DOCK11: variants seen among roughly 807,000 people sequenced by gnomAD.
The protein encoded by DOCK11 is dedicator of cytokinesis protein 11.
DOCK11 carries 70 observed loss-of-function variants against 169.1 expected under a neutral mutation model. The observed-to-expected ratio is 0.41, with a 90% CI of 0.34 to 0.51. The LOEUF (loss-of-function observed/expected upper bound fraction) is 0.51. Among genes scored for constraint, DOCK11 ranks in the 20% least tolerant of loss-of-function variants. The pLI is 0.10. For synonymous variants in DOCK11, 529 were observed against 541.3 expected, an observed-to-expected ratio of 0.98 and a Z score of 0.32; for missense variants, 1,166 against 1,538.8, an observed-to-expected ratio of 0.76 and a Z score of 4.05.
intron 45 of DOCK11, among the ~76,000 whole-genome samples, chrX:118,667,131 G>A (rs1243993954): frequency 9.0e-6 from 1 of 111,595 alleles, no homozygotes; most frequent in African/African-American, 3.3e-5. Context: ...AGATATATGT[G>A]CTGTATATTT....
chrX:118,645,298 C>T (rs1161724852), intron 40 of DOCK11, among the ~76,000 whole-genome samples: 1 of 111,640 alleles, frequency 9.0e-6, no homozygotes, highest in African/African-American at 3.3e-5. Context: ...TGTACTAGGT[C>T]CTGTAGATAC....
intron 44 of DOCK11, among the ~76,000 whole-genome samples, chrX:118,658,221 A>G (rs990791995): frequency 4.5e-5 from 5 of 112,327 alleles, no homozygotes; most frequent in Non-Finnish European, 9.4e-5. Flanking sequence ...GGAGCATTAG[A>G]GTATATTTTA....
At position 118,565,940 on chromosome X, in the gene DOCK11, C is replaced by G. The variant is rs1024619383; in HGVS notation, c.694-65C>G. ...AAGCTGAGATAAAAATAAATATAAA[C>G]TAATGAAATCTAATAGTAAAAGGAC... is the stretch of plus-strand genomic sequence containing the variant. On this transcript the variant is annotated intron_variant, in intron 7 of 52. Coordinates refer to ENST00000276202, the MANE Select transcript of DOCK11 (RefSeq NM_144658.4). 76 of 1,035,828 alleles carry G rather than the reference C, an allele frequency of 7.3e-5. No homozygotes were observed. In the Middle Eastern group the frequency reaches 1.0e-3, roughly 14 times the overall value. The allele number at this position is 1,035,828 out of a possible 1,213,427, so 85.4% of individuals were successfully genotyped here.
intron 6 of DOCK11, among the ~76,000 whole-genome samples, chrX:118,551,606 G>A (rs763490602): frequency 1.8e-5 from 2 of 110,621 alleles, no homozygotes; most frequent in African/African-American, 6.6e-5. Flanking sequence ...GCTGAGGTGG[G>A]AGGATCGCTT....
At chrX:118,540,352 G>A (rs748726758) in intron 1 of DOCK11, among the ~76,000 whole-genome samples, 4 of 111,381 alleles carry the variant, frequency 3.6e-5, no homozygotes, top group Non-Finnish European at 7.5e-5. Flanking sequence ...GACTGTGAGC[G>A]TTAGAGCTGG....
At chrX:118,578,458 G>C (rs749427104) in intron 12 of DOCK11, 67 bp from the exon 13 acceptor site, 4 of 1,132,377 alleles carry the variant, frequency 3.5e-6, no homozygotes, top group Non-Finnish European at 4.8e-6. Flanking sequence ...ACTAAAAATC[G>C]TTAACCATAA....
intron 35 of DOCK11, among the ~76,000 whole-genome samples, chrX:118,631,880 C>T (rs949344891): frequency 1.8e-5 from 2 of 111,218 alleles, no homozygotes; most frequent in Non-Finnish European, 3.8e-5. Context: ...CACACATACA[C>T]ACACATATAC....
In DOCK11 at chrX:118,574,823, A is replaced by T. The variant is rs1475577676; in HGVS notation, c.1389+805A>T. Among the ~76,000 whole-genome samples, 3 of 111,424 alleles carry T rather than the reference A, an allele frequency of 2.7e-5. No homozygotes were observed. The Admixed American group carries it at 2.9e-4, about 11-fold the overall frequency. On this transcript the variant is annotated intron_variant, in intron 12 of 52. Coordinates refer to ENST00000276202, the MANE Select transcript of DOCK11 (RefSeq NM_144658.4). ...GCTTGTGTCATAGCTGTAATGCTAC[A>T]CTCTTCTATTCTATCTGGAGCAAAG...
intron 39 of DOCK11, among the ~76,000 whole-genome samples, chrX:118,642,566 A>G (rs932790760): frequency 3.6e-5 from 4 of 111,766 alleles, no homozygotes; most frequent in African/African-American, 9.8e-5. Flanking sequence ...ATAATGGGGA[A>G]ACTGGGGCCC....
chrX:118,586,775 G>A lies in DOCK11; in HGVS notation c.1796-1362G>A, dbSNP rs139589053. ...AAGACCTTGAGGTGAGACCAAGCTGGGTTTGCATGAACAGAAGGGAATCCA... is the reference window on the plus strand; with the variant it reads ...AAGACCTTGAGGTGAGACCAAGCTGAGTTTGCATGAACAGAAGGGAATCCA... On this transcript the variant is annotated intron_variant, in intron 16 of 52. Transcript: ENST00000276202. Among the ~76,000 whole-genome samples the A allele has an allele frequency of 3.8e-3, 430 of 111,818 alleles. 4 individuals carry two copies. The highest frequency in any genetic ancestry group is 6.9e-3 in the Non-Finnish European group (369 of 53,108).
At chrX:118,623,497 G>T (rs2015024568) in intron 31 of DOCK11, among the ~76,000 whole-genome samples, 1 of 112,753 alleles carries the variant, frequency 8.9e-6, no homozygotes, top group African/African-American at 3.2e-5. Context: ...CTAGGTTAGT[G>T]GTTCTGAAAC....
At chrX:118,628,751 G>A (rs963806106) in intron 34 of DOCK11, among the ~76,000 whole-genome samples, 2 of 112,421 alleles carry the variant, frequency 1.8e-5, no homozygotes, top group Non-Finnish European at 3.8e-5. Context: ...GTCGTTTCAC[G>A]CCTACCATTA....
intron 40 of DOCK11, among the ~76,000 whole-genome samples, chrX:118,648,528 A>T (rs867547750): frequency 1.1e-5 from 1 of 92,522 alleles, no homozygotes; most frequent in Admixed American, 1.4e-4. Flanking sequence ...TAATATATAT[A>T]TATTTATATA....
intron 30 of DOCK11, among the ~76,000 whole-genome samples, chrX:118,617,491 C>CAAA (rs35955845): frequency 4.2e-5 from 4 of 94,986 alleles, no homozygotes; most frequent in Non-Finnish European, 6.3e-5. Context: ...GACTCTGTCT[C>CAAA]AAAAAAAAAA....
intron 28 of DOCK11, among the ~76,000 whole-genome samples, chrX:118,611,146 C>A (rs781009134): frequency 1.8e-5 from 2 of 112,065 alleles, no homozygotes; most frequent in Non-Finnish European, 3.8e-5. Flanking sequence ...CAAATCTGTT[C>A]TTGATAGTGA....
intron 16 of DOCK11, 80 bp downstream of exon 16, chrX:118,585,197 T>G: frequency 1.1e-6 from 1 of 908,489 alleles, no homozygotes. Context: ...TTCTTGAGGT[T>G]TACGTGGCAT....
rs1230344386 is a variant in DOCK11, at chrX:118,495,864, A to T, written c.-108A>T. The T allele has an allele frequency of 2.2e-5, 7 of 317,813 alleles. No homozygotes were observed. Among genetic ancestry groups the T allele is most frequent in the Admixed American group, 1.6e-4 (2 of 12,313 alleles). The allele number at this position is 317,813 out of a possible 1,213,427, so 26.2% of individuals were successfully genotyped here. On this transcript the variant is annotated 5_prime_UTR_variant, in exon 1 of 53. Transcript: ENST00000276202. ...CTGCGATGTGGCCGGCCGGCCGGCG[A>T]GTAAACAGAGGGAGCAGCAGCGGCC...
intron 1 of DOCK11, chrX:118,538,562 C>A: frequency 3.3e-6 from 1 of 303,741 alleles, no homozygotes; most frequent in Non-Finnish European, 4.4e-6. Context: ...TTTAGGTTGA[C>A]GGTTTTCCTG....
chrX:118,673,831 T>A (rs973197529), intron 46 of DOCK11, among the ~76,000 whole-genome samples: 3 of 111,478 alleles, frequency 2.7e-5, no homozygotes, highest in African/African-American at 9.8e-5. Context: ...CATTTTCCAA[T>A]AACCACTAAC....
Sources: gnomAD v4.1 joint callset for allele counts (sites outside exome capture counted in the v4.1 genomes callset) on GRCh38, gnomAD v4.1.1 for gene constraint, MANE v1.5 for transcripts, NCBI Gene and HGNC (gene_info 2026-07-23, HGNC 2026-07-21) for gene names.